Variants in RAB3B observed in about 807,000 individuals in gnomAD.
RAB3B encodes ras-related protein Rab-3B.
In RAB3B, 11 loss-of-function variants were observed where a neutral mutation model predicts 20.5. That is an observed-to-expected ratio of 0.54 (90% CI 0.34 to 0.89). RAB3B has a LOEUF of 0.89. Among genes scored for constraint, RAB3B ranks in the 40% least tolerant of loss-of-function variants. The pLI is 0.02. For missense variants in RAB3B, 225 were observed against 280.9 expected (o/e 0.80, Z 1.42); for synonymous variants, 99 against 106.3 (o/e 0.93, Z 0.42).
intron 1 of RAB3B, among the ~76,000 whole-genome samples, chr1:51,985,146 GAC>G (rs1442492034): frequency 1.3e-5 from 2 of 152,154 alleles, no homozygotes; most frequent in African/African-American, 2.4e-5. Context: ...TAAACAATCT[GAC>G]ACAGTTTCTC....
In RAB3B at chr1:51,911,892, G is replaced by A. The variant is rs2124213922; in HGVS notation, c.*8035C>T. The stretch of plus-strand genomic sequence containing the variant: ...GTCTTCACTAGAATCACCTGGTTTG[G>A]GTTAGGGAGTAGTAGTACTACTAAA... On this transcript the variant is annotated 3_prime_UTR_variant, in exon 5 of 5. Transcript: ENST00000371655. 1 of 152,178 alleles carries A rather than the reference G, an allele frequency of 6.6e-6. No homozygotes were observed. The highest frequency in any genetic ancestry group is 6.6e-5 in the Admixed American group (1 of 15,264). 9.4% of individuals were successfully genotyped at this position (152,178 alleles called of 1,614,324 possible).
intron 2 of RAB3B, among the ~76,000 whole-genome samples, chr1:51,965,632 G>A (rs889026508): frequency 2.0e-5 from 3 of 148,930 alleles, no homozygotes; most frequent in Non-Finnish European, 4.4e-5. Context: ...GGGCAACAGA[G>A]CAAGGCTCCA....
At chr1:51,926,899 T>A (rs1386881832) in intron 4 of RAB3B, among the ~76,000 whole-genome samples, 1 of 152,158 alleles carries the variant, frequency 6.6e-6, no homozygotes, top group Non-Finnish European at 1.5e-5. Context: ...AGCTTCTTCA[T>A]CAAGAAAATC....
At chr1:51,941,511 A>G (rs1684493742) in intron 2 of RAB3B, among the ~76,000 whole-genome samples, 1 of 152,220 alleles carries the variant, frequency 6.6e-6, no homozygotes, top group Admixed American at 6.5e-5. Flanking sequence ...GCATAGAGTA[A>G]GAACAGATTC....
At chr1:51,952,039 C>A (rs1237520610) in intron 2 of RAB3B, among the ~76,000 whole-genome samples, 1 of 152,202 alleles carries the variant, frequency 6.6e-6, no homozygotes, top group Non-Finnish European at 1.5e-5. Context: ...TTGCTTCTGG[C>A]CTTCCACAGA....
intron 2 of RAB3B, among the ~76,000 whole-genome samples, chr1:51,951,259 T>C (rs570192800): frequency 3.3e-5 from 5 of 152,052 alleles, no homozygotes; most frequent in Admixed American, 6.5e-5. Flanking sequence ...ACCCAGGTAA[T>C]GAGCATAGTA....
rs573392914 is a variant in RAB3B at position 51,943,629 on chromosome 1, C to A, written c.229-6217G>T. Among the ~76,000 whole-genome samples the A allele has an allele frequency of 5.9e-5, 9 of 152,220 alleles. No homozygotes were observed. In the East Asian group the frequency reaches 1.7e-3, roughly 29 times the overall value. ...AAGGAAATTAAGAGTGCTACTCTTG[C>A]GAACACATAAGTGATAAGAAAGCAA... On this transcript the variant is annotated intron_variant, in intron 2 of 4. Coordinates refer to ENST00000371655, the MANE Select transcript of RAB3B (RefSeq NM_002867.4).
intron 2 of RAB3B, among the ~76,000 whole-genome samples, chr1:51,955,341 C>T (rs1192895475): frequency 6.6e-6 from 1 of 152,194 alleles, no homozygotes; most frequent in Non-Finnish European, 1.5e-5. Context: ...TCTGACATGA[C>T]ATTCCAAAGC....
Position 51,916,494 on chromosome 1 carries a change from C to T in RAB3B, c.*3433G>A, listed in dbSNP as rs759340806. The T allele has an allele frequency of 1.3e-5, 2 of 152,154 alleles. No individual in the cohort carries two copies. Among genetic ancestry groups the T allele is most frequent in the Admixed American group, 6.5e-5 (1 of 15,276 alleles). The allele number at this position is 152,154 out of a possible 1,614,324, so 9.4% of individuals were successfully genotyped here. ...TGACCAGAAAAAAATAGTAATTATC[C>T]ATGACACTGTATACAATGTTACAGT... is the stretch of plus-strand genomic sequence containing the variant. On this transcript the variant is annotated 3_prime_UTR_variant, in exon 5 of 5. Coordinates refer to ENST00000371655, the MANE Select transcript of RAB3B (RefSeq NM_002867.4).
intron 2 of RAB3B, among the ~76,000 whole-genome samples, chr1:51,966,198 T>A (rs1684849449): frequency 1.3e-5 from 2 of 152,216 alleles, no homozygotes; most frequent in South Asian, 4.1e-4. Context: ...AAGCTCTTAC[T>A]CTACATTAAC....
chr1:51,967,515 C>CTTTTTTTTTTTTTTTTTTTTTTTTTT (rs67927521), intron 2 of RAB3B, among the ~76,000 whole-genome samples: 5 of 16,436 alleles, frequency 3.0e-4, no homozygotes, highest in Admixed American at 1.2e-3. Flanking sequence ...CTTTTCTTTT[C>CTTTTTTTTTTTTTTTTTTTTTTTTTT]TTTTTCTTTT....
chr1:51,936,794 CACA>C (rs1359394379), intron 3 of RAB3B, among the ~76,000 whole-genome samples: 1 of 151,964 alleles, frequency 6.6e-6, no homozygotes, highest in African/African-American at 2.4e-5. Flanking sequence ...CTGCACCTAG[CACA>C]CATTTTCTTT....
intron 3 of RAB3B, among the ~76,000 whole-genome samples, chr1:51,933,744 G>A (rs1055509835): frequency 6.6e-6 from 1 of 152,152 alleles, no homozygotes; most frequent in Admixed American, 6.5e-5. Flanking sequence ...CCAGAACTGT[G>A]AGAAAGAAAT....
At chr1:51,938,457 T>C (rs1557966393) in intron 2 of RAB3B, among the ~76,000 whole-genome samples, 1 of 152,166 alleles carries the variant, frequency 6.6e-6, no homozygotes, top group African/African-American at 2.4e-5. Flanking sequence ...CATCAACTTA[T>C]ATATTCAACA....
intron 2 of RAB3B, among the ~76,000 whole-genome samples, chr1:51,971,310 C>G (rs960808626): frequency 1.3e-5 from 2 of 152,080 alleles, no homozygotes; most frequent in Non-Finnish European, 2.9e-5. Flanking sequence ...CCCCCTTTCC[C>G]TTTACAATGA....
In RAB3B at chr1:51,917,946, C is replaced by T. The variant is rs1162945776; in HGVS notation, c.*1981G>A. On this transcript the variant is annotated 3_prime_UTR_variant, in exon 5 of 5. Transcript: ENST00000371655. ...ATGAAAAGAAAACTGGCGAGAGACT[C>T]CTCCTGCCCGCTGACTTTTGAGGTG... is the stretch of plus-strand genomic sequence containing the variant. 1 of 152,166 alleles carries T rather than the reference C, an allele frequency of 6.6e-6. No homozygotes were observed. The highest frequency in any genetic ancestry group is 6.6e-5 in the Admixed American group (1 of 15,266). The allele number at this position is 152,166 out of a possible 1,614,324, so 9.4% of individuals were successfully genotyped here.
chr1:51,951,555 C>G (rs943213496), intron 2 of RAB3B, among the ~76,000 whole-genome samples: 1 of 152,156 alleles, frequency 6.6e-6, no homozygotes, highest in African/African-American at 2.4e-5. Flanking sequence ...CAGGTGCAGT[C>G]ACTCATGCCT....
chr1:51,944,894 G>A (rs1487979465), intron 2 of RAB3B, among the ~76,000 whole-genome samples: 2 of 152,198 alleles, frequency 1.3e-5, no homozygotes, highest in Non-Finnish European at 2.9e-5. Context: ...GGTTTGAGAG[G>A]ACTGACTCAA....
At chr1:51,938,304 A>G (rs1485829965) in intron 2 of RAB3B, among the ~76,000 whole-genome samples, 1 of 152,118 alleles carries the variant, frequency 6.6e-6, no homozygotes, top group Non-Finnish European at 1.5e-5. Context: ...AAAAATGTTC[A>G]TACTCTTTGA....
Sources: gnomAD v4.1 joint callset for allele counts (sites outside exome capture counted in the v4.1 genomes callset) on GRCh38, gnomAD v4.1.1 for gene constraint, MANE v1.5 for transcripts, NCBI Gene and HGNC (gene_info 2026-07-23, HGNC 2026-07-21) for gene names.